Variants in DIP2C observed in about 807,000 individuals in gnomAD.
DIP2C encodes the protein DIP2 acetate--CoA ligase C (putative), also known as disco-interacting protein 2 homolog C.
Under a neutral mutation model 192.4 loss-of-function variants are expected in DIP2C, and 33 were observed. The ratio of observed to expected loss-of-function variants is 0.17; its 90% CI spans 0.13 to 0.23. The LOEUF is 0.23. Ranked by LOEUF, DIP2C falls within the 10% of genes least tolerant of loss-of-function variation. The pLI is 1.00. For missense variants in DIP2C, 1,537 were observed against 2,110.1 expected, an observed-to-expected ratio of 0.73 and a Z score of 5.32; for synonymous variants, 979 against 864.1, an observed-to-expected ratio of 1.13 and a Z score of -2.33.
intron 4 of DIP2C, among the ~76,000 whole-genome samples, chr10:425,139 C>T (rs201888899): frequency 2.0e-4 from 1 of 5,126 alleles, no homozygotes; most frequent in Non-Finnish European, 1.5e-3. Context: ...TAATATGACA[C>T]GGATGATACA....
chr10:510,370 T>A (rs1461410746), intron 1 of DIP2C, among the ~76,000 whole-genome samples: 1 of 152,230 alleles, frequency 6.6e-6, no homozygotes, highest in African/African-American at 2.4e-5. Context: ...TTTAAGTGAC[T>A]AATCATAGGC....
chr10:342,704 C>T (rs1958217145), intron 28 of DIP2C, among the ~76,000 whole-genome samples: 1 of 152,128 alleles, frequency 6.6e-6, no homozygotes, highest in African/African-American at 2.4e-5. Flanking sequence ...AGTTAGAGCC[C>T]AGGTCCTCCT....
At chr10:530,099 GT>G (rs1384499335) in intron 1 of DIP2C, among the ~76,000 whole-genome samples, 1 of 152,244 alleles carries the variant, frequency 6.6e-6, no homozygotes, top group Non-Finnish European at 1.5e-5. Flanking sequence ...CGCCGTCTAA[GT>G]GACTGACAGC....
intron 1 of DIP2C, among the ~76,000 whole-genome samples, chr10:592,309 T>A (rs1052652373): frequency 1.3e-5 from 2 of 152,210 alleles, no homozygotes; most frequent in Non-Finnish European, 1.5e-5. Flanking sequence ...TGAGGGCTCA[T>A]GTTGCCTCCG....
Position 366,291 on chromosome 10 carries a change from G to T in DIP2C, c.2252C>A (p.Thr751Asn). ...TCCACCTACCTCAAAGGTGTTCTTG[G>T]TCATGCCAGAGAGGCCATAGTAGGA... ...GTSYYGLSGM[T>N]KNTFEVFPMT... Residue 751 changes from threonine to asparagine, a missense_variant, in exon 19 of 37, where the codon ACC (threonine) becomes AAC (asparagine). Around this residue, in one of 4 missense-constraint regions of DIP2C, gnomAD observed 677 missense variants for 989.9 expected, o/e 0.68. Coordinates refer to ENST00000280886, the MANE Select transcript of DIP2C (RefSeq NM_014974.3). The T allele has an allele frequency of 6.2e-7, 1 of 1,613,482 alleles. No homozygotes were observed. Among genetic ancestry groups the T allele is most frequent in the Non-Finnish European group, 8.5e-7 (1 of 1,179,762 alleles).
At chr10:435,970 T>A (rs746579967) in intron 4 of DIP2C, among the ~76,000 whole-genome samples, 5 of 152,054 alleles carry the variant, frequency 3.3e-5, no homozygotes, top group Non-Finnish European at 5.9e-5. Flanking sequence ...TATATATATA[T>A]AAATATATAA....
At chr10:328,513 A>G (rs1957367940) in intron 30 of DIP2C, among the ~76,000 whole-genome samples, 1 of 152,230 alleles carries the variant, frequency 6.6e-6, no homozygotes, top group South Asian at 2.1e-4. Flanking sequence ...TTATTTATAT[A>G]TGTGCCAACA....
At chr10:626,444 C>CCCCCATCCTCGGGGTTACCCTCCGT (rs1564284014) in intron 1 of DIP2C, among the ~76,000 whole-genome samples, 1 of 148,466 alleles carries the variant, frequency 6.7e-6, no homozygotes, top group African/African-American at 2.6e-5. Flanking sequence ...TACCCTCCGT[C>CCCCCATCCTCGGGGTTACCCTCCGT]CCCCCGTCCC....
chr10:328,360 G>A (rs1957364177), intron 30 of DIP2C, among the ~76,000 whole-genome samples: 1 of 152,182 alleles, frequency 6.6e-6, no homozygotes. Context: ...ACCTGGAAAG[G>A]TTGCTTAATT....
intron 1 of DIP2C, among the ~76,000 whole-genome samples, chr10:557,083 G>A (rs1043399325): frequency 8.5e-5 from 13 of 152,210 alleles, no homozygotes; most frequent in South Asian, 8.3e-4. Flanking sequence ...TGTGGCCCAC[G>A]GGACACGGCC....
intron 29 of DIP2C, among the ~76,000 whole-genome samples, chr10:336,339 G>GCA (rs923407533): frequency 1.1e-3 from 14 of 12,644 alleles, no homozygotes; most frequent in African/African-American, 1.2e-3. Context: ...AGATGCTGAA[G>GCA]CACACCACGT....
chr10:506,888 A>T (rs2130742637), intron 1 of DIP2C, among the ~76,000 whole-genome samples: 1 of 152,232 alleles, frequency 6.6e-6, no homozygotes, highest in African/African-American at 2.4e-5. Context: ...CACTGTGCAC[A>T]GAGGTGTGAG....
At chr10:519,287 C>T (rs938896676) in intron 1 of DIP2C, among the ~76,000 whole-genome samples, 2 of 152,220 alleles carry the variant, frequency 1.3e-5, no homozygotes, top group Non-Finnish European at 2.9e-5. Flanking sequence ...TGTAAGGGGA[C>T]AGGGGAGCCC....
intron 17 of DIP2C, among the ~76,000 whole-genome samples, chr10:376,007 G>A (rs776057281): frequency 9.2e-5 from 14 of 152,164 alleles, no homozygotes; most frequent in Admixed American, 5.2e-4. Context: ...TCTATGCAAC[G>A]GACCACACAC....
At chr10:415,651 G>A in intron 7 of DIP2C, 118 bp downstream of exon 7, 1 of 1,404,478 alleles carries the variant, frequency 7.1e-7, no homozygotes, top group Admixed American at 1.9e-5. Context: ...TTCCCATCAT[G>A]CGGCAAATGC....
intron 4 of DIP2C, among the ~76,000 whole-genome samples, chr10:424,581 G>A (rs1282042454): frequency 6.6e-6 from 1 of 151,880 alleles, no homozygotes; most frequent in Admixed American, 6.6e-5. Flanking sequence ...GGCCAGGCTG[G>A]TCTCGAACTC....
intron 5 of DIP2C, among the ~76,000 whole-genome samples, chr10:421,396 G>A (rs1966171316): frequency 6.6e-6 from 1 of 152,132 alleles, no homozygotes; most frequent in African/African-American, 2.4e-5. Context: ...AATAAAATCC[G>A]AGGATACAAA....
chr10:674,789 T>TATATATATATATATAGAGAGAG, intron 1 of DIP2C, among the ~76,000 whole-genome samples: 28 of 62,472 alleles, frequency 4.5e-4, no homozygotes, highest in African/African-American at 1.4e-3. Context: ...TATATATATA[T>TATATATATATATATAGAGAGAG]AGAGAGAGAG....
In DIP2C at chr10:622,623, C is replaced by T. The variant is rs183236061; in HGVS notation, c.85+66871G>A. On this transcript the variant is annotated intron_variant, in intron 1 of 36. Coordinates refer to ENST00000280886, the MANE Select transcript of DIP2C (RefSeq NM_014974.3). ...AAAGCACCATGCCTTGCCCTTTCGC[C>T]GATGGGCCAATGCCTCTCTATGCTT... 1.9e-3 allele frequency among the ~76,000 whole-genome samples: 288 copies of T among 150,902 alleles called. 1 individual carries two copies. The highest frequency in any genetic ancestry group is 6.8e-3 in the Middle Eastern group (2 of 292).
Sources: allele counts gnomAD v4.1 joint callset (sites outside exome capture counted in the v4.1 genomes callset), GRCh38; gene constraint gnomAD v4.1.1; regional missense constraint gnomAD v4.1.1; transcripts MANE v1.5; gene names NCBI Gene and HGNC (gene_info 2026-07-23, HGNC 2026-07-21).